Variants in DNAH14 observed in about 807,000 individuals in gnomAD.
DNAH14 encodes dynein axonemal heavy chain 14, also known as axonemal beta dynein heavy chain 14.
Under a neutral mutation model 520.9 loss-of-function variants are expected in DNAH14, and 478 were observed. The observed-to-expected ratio is 0.92, with a 90% confidence interval of 0.85 to 0.99. The LOEUF (loss-of-function observed/expected upper bound fraction) is 0.99. DNAH14 is among the 50% of genes least tolerant of loss of function. The pLI is 0.00. For synonymous variants in DNAH14, 1,581 were observed against 1,757.2 expected (o/e 0.90, Z 2.51); for missense variants, 4,831 against 5,234.5 (o/e 0.92, Z 2.38).
chr1:225,036,237 G>A (rs1210419605), intron 11 of DNAH14, among the ~76,000 whole-genome samples: 3 of 152,080 alleles, frequency 2.0e-5, no homozygotes, highest in South Asian at 2.1e-4. Flanking sequence ...CCAGGTTCAC[G>A]CAATTCTCCT....
chr1:225,323,559 G>A (rs1021844726), intron 62 of DNAH14, among the ~76,000 whole-genome samples: 1 of 152,172 alleles, frequency 6.6e-6, no homozygotes, highest in Non-Finnish European at 1.5e-5. Flanking sequence ...CACCTCCTGG[G>A]TTCAAGCGAT....
intron 81 of DNAH14, among the ~76,000 whole-genome samples, chr1:225,385,288 AAC>A (rs542313324): frequency 9.8e-5 from 15 of 152,324 alleles, no homozygotes; most frequent in African/African-American, 3.6e-4. Context: ...AATGGGCAAA[AAC>A]TGGAAGCATT....
intron 54 of DNAH14, among the ~76,000 whole-genome samples, chr1:225,285,746 A>C (rs988777252): frequency 6.6e-6 from 1 of 151,492 alleles, no homozygotes; most frequent in Non-Finnish European, 1.5e-5. Flanking sequence ...AGTCCCAGCT[A>C]CTCAGGAGGC....
In DNAH14 at chr1:225,300,967, A is replaced by T. The variant is rs2094127956; in HGVS notation, c.8568A>T (p.Arg2856Ser). Reference sequence around the variant, plus strand: ...TGGATTCTATTGCAATGAAAATCAGATATCTTACTGAACAATCTGGTCATA... The same window carrying T: ...TGGATTCTATTGCAATGAAAATCAGTTATCTTACTGAACAATCTGGTCATA... ...VELDSIAMKI[R>S]YLTEQSGHMD... is the part of the protein sequence containing the mutation. Residue 2856 changes from arginine (R) to serine (S), a missense_variant, in exon 56 of 86, where the codon AGA becomes AGT. Transcript: ENST00000682510. The T allele has an allele frequency of 1.3e-6, 2 of 1,551,292 alleles. No individual in the cohort carries two copies. The highest frequency in any genetic ancestry group is 1.2e-5 in the South Asian group (1 of 84,036).
At chr1:225,211,542 G>C (rs1168426369) in intron 41 of DNAH14, among the ~76,000 whole-genome samples, 1 of 152,142 alleles carries the variant, frequency 6.6e-6, no homozygotes, top group African/African-American at 2.4e-5. Flanking sequence ...ACCTGAAAGT[G>C]GTGGGGAGAA....
At chr1:225,334,697 G>C (rs568319508) in intron 66 of DNAH14, among the ~76,000 whole-genome samples, 1 of 151,774 alleles carries the variant, frequency 6.6e-6, no homozygotes, top group African/African-American at 2.4e-5. Context: ...TGCAATGACA[G>C]ATCACAATCA....
intron 8 of DNAH14, among the ~76,000 whole-genome samples, chr1:224,986,110 TAAG>T (rs893062612): frequency 4.6e-5 from 7 of 151,476 alleles, no homozygotes; most frequent in Non-Finnish European, 7.4e-5. Flanking sequence ...CAGTAACAAG[TAAG>T]AAGATCAAAG....
At chr1:225,387,078 T>C (rs2095849458) in intron 81 of DNAH14, among the ~76,000 whole-genome samples, 1 of 152,134 alleles carries the variant, frequency 6.6e-6, no homozygotes, top group Non-Finnish European at 1.5e-5. Context: ...TGAGTTCATG[T>C]CCTTTGTAGG....
intron 9 of DNAH14, among the ~76,000 whole-genome samples, chr1:225,003,702 A>C (rs1185737817): frequency 6.6e-6 from 1 of 152,100 alleles, no homozygotes; most frequent in Non-Finnish European, 1.5e-5. Context: ...AGGAGGAATT[A>C]TCACATAGAT....
At position 224,960,180 on chromosome 1, in the gene DNAH14, A is replaced by C. The variant is rs753112085; in HGVS notation, c.245A>C (p.Gln82Pro). ...EDYLRESIIQ[Q>P]HMVSPEPASL... ...TACCTTAGAGAAAGTATAATTCAAC[A>C]ACATATGGTTTCTCCAGAGCCAGCT... The change falls in exon 4 of 86, where the codon CAA becomes CCA. Residue 82 changes from glutamine to proline, a missense_variant. Gln to Pro is a moderately conservative substitution (Grantham distance 76, BLOSUM62 -1). Coordinates refer to ENST00000682510, the MANE Select transcript of DNAH14 (RefSeq NM_001367479.1). 10 of 1,597,838 alleles carry C rather than the reference A, an allele frequency of 6.3e-6. No individual in the cohort carries two copies. The highest frequency in any genetic ancestry group is 7.7e-6 in the Non-Finnish European group (9 of 1,174,908).
intron 1 of DNAH14, among the ~76,000 whole-genome samples, chr1:224,952,313 T>C (rs1265409151): frequency 2.0e-5 from 3 of 152,244 alleles, no homozygotes; most frequent in Non-Finnish European, 2.9e-5. Flanking sequence ...CCACTTCTGA[T>C]GACTTTCCTA....
rs368724226 is a variant in DNAH14 at position 225,326,637 on chromosome 1, G to GA, written c.9723+1814dup. Among the ~76,000 whole-genome samples, 1,156 of 150,694 alleles carry GA rather than the reference G, an allele frequency of 7.7e-3. 15 individuals are homozygous for GA. Among genetic ancestry groups the GA allele is most frequent in the African/African-American group, 0.026 (1,060 of 41,138 alleles). ...CTCAGAATGGAAGAAACCCAAGAAA[G>GA]AAAAAAAAATTCTTCAAAACTTTAA... On this transcript the variant is annotated intron_variant, in intron 64 of 85. Coordinates refer to ENST00000682510, the MANE Select transcript of DNAH14 (RefSeq NM_001367479.1).
intron 56 of DNAH14, among the ~76,000 whole-genome samples, chr1:225,301,269 C>A (rs1486951258): frequency 1.3e-5 from 2 of 151,708 alleles, no homozygotes; most frequent in Non-Finnish European, 2.9e-5. Flanking sequence ...CAGCTGGAGG[C>A]AATAAAATGA....
At chr1:225,204,320 C>G in intron 39 of DNAH14, 47 bp downstream of exon 39, 1 of 1,112,074 alleles carries the variant, frequency 9.0e-7, no homozygotes, top group Non-Finnish European at 1.3e-6. Flanking sequence ...AGAAGACAAA[C>G]TCTCAACCAA....
chr1:225,132,403 C>T (rs2078516107), intron 27 of DNAH14, among the ~76,000 whole-genome samples: 2 of 151,690 alleles, frequency 1.3e-5, no homozygotes, highest in Non-Finnish European at 2.9e-5. Context: ...GTTCCTGCCA[C>T]CCCCCACCCC....
chr1:225,067,961 A>G (rs906639009), intron 17 of DNAH14, among the ~76,000 whole-genome samples: 1 of 152,064 alleles, frequency 6.6e-6, no homozygotes, highest in Non-Finnish European at 1.5e-5. Context: ...ATTAGATTCC[A>G]TTTGTCAATT....
rs977385464 is a variant in DNAH14, at chr1:225,301,373, G to A, written c.8631+343G>A. 3.9e-5 allele frequency among the ~76,000 whole-genome samples: 6 copies of A among 151,900 alleles called. No individual in the cohort carries two copies. In the East Asian group the frequency reaches 5.8e-4, roughly 15 times the overall value. ...TCCTAGATAATGATGTTCTTATTTC[G>A]TCTTTTTGGTAACAAGTCTGGAAAG... is the stretch of plus-strand genomic sequence containing the variant. On this transcript the variant is annotated intron_variant, in intron 56 of 85. Coordinates refer to ENST00000682510, the MANE Select transcript of DNAH14 (RefSeq NM_001367479.1).
intron 1 of DNAH14, among the ~76,000 whole-genome samples, chr1:224,939,561 G>T (rs532649816): frequency 6.6e-6 from 1 of 152,246 alleles, no homozygotes; most frequent in African/African-American, 2.4e-5. Flanking sequence ...GTGGACGCCT[G>T]TTGTCCCAGC....
In DNAH14 at chr1:225,345,920, T is replaced by TA. The variant is rs1431342530; in HGVS notation, c.10679-41dup. 8.1e-6 allele frequency: 12 copies of TA among 1,480,482 alleles called. No individual in the cohort carries two copies. The East Asian group carries it at 3.0e-4, about 36-fold the overall frequency. The allele number at this position is 1,480,482 out of a possible 1,614,324, so 91.7% of individuals were successfully genotyped here. A position where few individuals can be genotyped will look rare whatever the true frequency, so the allele number is the denominator to read the frequency against. The stretch of plus-strand genomic sequence containing the variant: ...GAGTGAGGAAATAGCCATTTACTGT[T>TA]ACAATAGTCTTTATTTAACTTCACT... On this transcript the variant is annotated intron_variant, in intron 69 of 85. Transcript: ENST00000682510.
Sources: gnomAD v4.1 joint callset for allele counts (sites outside exome capture counted in the v4.1 genomes callset) on GRCh38, gnomAD v4.1.1 for gene constraint, MANE v1.5 for transcripts, NCBI Gene and HGNC (gene_info 2026-07-23, HGNC 2026-07-21) for gene names.